Variants in LINGO2 observed in about 807,000 individuals in gnomAD.
The protein encoded by LINGO2 is leucine-rich repeat and immunoglobulin-like domain-containing nogo receptor-interacting protein 2.
Under a neutral mutation model 30.6 loss-of-function variants are expected in LINGO2, and 14 were observed. The ratio of observed to expected loss-of-function variants is 0.46; its 90% confidence interval spans 0.30 to 0.72. The LOEUF (loss-of-function observed/expected upper bound fraction) is 0.72. Ranked by LOEUF, LINGO2 falls within the 30% of genes least tolerant of loss-of-function variation. The probability of loss-of-function intolerance (pLI) is 0.07; values close to 1 mark genes in which losing one functional copy is unlikely to be tolerated. For missense variants in LINGO2, 729 were observed against 751.7 expected (o/e 0.97, Z 0.35); for synonymous variants, 317 against 288.5 (o/e 1.10, Z -1.00).
chr9:28,897,386 C>A, the LINGO2 span, among the ~76,000 whole-genome samples: 1 of 152,158 alleles, frequency 6.6e-6, no homozygotes, highest in Non-Finnish European at 1.5e-5. Context: ...GAAATCTACA[C>A]TTTCCAGCCC....
chr9:28,668,697 C>G (rs1160239467), intron 1 of LINGO2, among the ~76,000 whole-genome samples: 2 of 152,010 alleles, frequency 1.3e-5, no homozygotes, highest in South Asian at 2.1e-4. Flanking sequence ...CTTAAGCTGA[C>G]TAAAGAAACT....
rs147764964 is a variant in LINGO2 at position 28,343,006 on chromosome 9, G to C, written c.-246+29830C>G. Among the ~76,000 whole-genome samples the C allele has an allele frequency of 3.7e-3, 567 of 152,230 alleles. 4 individuals are homozygous for C. The highest frequency in any genetic ancestry group is 0.013 in the African/African-American group (542 of 41,548). ...GCTGGGTAGATAGTGATTTCTAAGG[G>C]ATTGCAAAATTGGTTTAAACATCTG... On this transcript the variant is annotated intron_variant, in intron 3 of 5. Transcript: ENST00000379992.
chr9:27,999,047 A>C (rs1160480187), intron 5 of LINGO2, among the ~76,000 whole-genome samples: 2 of 152,130 alleles, frequency 1.3e-5, no homozygotes, highest in Non-Finnish European at 2.9e-5. Context: ...ATTTATGTGC[A>C]CCTAGGAGTG....
the LINGO2 span, among the ~76,000 whole-genome samples, chr9:29,006,276 T>C: frequency 6.6e-6 from 1 of 151,966 alleles, no homozygotes; most frequent in Non-Finnish European, 1.5e-5. Flanking sequence ...GTTGCTGCAG[T>C]TCTTGCCTTT....
At chr9:29,099,757 A>G in the LINGO2 span, among the ~76,000 whole-genome samples, 2 of 152,214 alleles carry the variant, frequency 1.3e-5, no homozygotes, top group African/African-American at 4.8e-5. Flanking sequence ...AGGTGGAGAA[A>G]AGGCAACATC....
At chr9:29,207,007 C>T in the LINGO2 span, among the ~76,000 whole-genome samples, 1 of 151,772 alleles carries the variant, frequency 6.6e-6, no homozygotes, top group Admixed American at 6.6e-5. Context: ...CTGCTTTCAT[C>T]AGGCTATATG....
At chr9:28,697,216 A>G in the LINGO2 span, among the ~76,000 whole-genome samples, 1 of 151,924 alleles carries the variant, frequency 6.6e-6, no homozygotes. Flanking sequence ...GATATAAGAT[A>G]ATGATCCCTA....
At chr9:28,372,264 T>A (rs1820932513) in intron 3 of LINGO2, among the ~76,000 whole-genome samples, 1 of 152,222 alleles carries the variant, frequency 6.6e-6, no homozygotes, top group South Asian at 2.1e-4. Flanking sequence ...AAAAACATAA[T>A]GTTTTCTAAT....
chr9:28,809,527 C>T, the LINGO2 span, among the ~76,000 whole-genome samples: 3 of 152,120 alleles, frequency 2.0e-5, no homozygotes, highest in South Asian at 2.1e-4. Flanking sequence ...AGACGGATCA[C>T]GAGGACAGGA....
chr9:27,962,129 T>C (rs1819878412), intron 5 of LINGO2, among the ~76,000 whole-genome samples: 1 of 152,170 alleles, frequency 6.6e-6, no homozygotes, highest in Admixed American at 6.5e-5. Flanking sequence ...CAGATGACTA[T>C]GTCCAACATA....
At chr9:28,579,076 C>A (rs1241370884) in intron 1 of LINGO2, among the ~76,000 whole-genome samples, 1 of 131,718 alleles carries the variant, frequency 7.6e-6, no homozygotes, top group East Asian at 2.2e-4. Flanking sequence ...TTTTTTGTTT[C>A]TACAGCTACA....
Position 28,461,384 on chromosome 9 carries a change from T to A in LINGO2, c.-279+14556A>T, listed in dbSNP as rs1339178296. Among the ~76,000 whole-genome samples the A allele has an allele frequency of 2.6e-5, 4 of 152,140 alleles. No homozygotes were observed. In the South Asian group the frequency reaches 6.2e-4, roughly 24 times the overall value. On this transcript the variant is annotated intron_variant, in intron 2 of 5. Transcript: ENST00000379992. ...CGTGGCTTTCTGAAATGGTGTTTCC[T>A]GGCCATACAGGGTATCTTAAATTTG...
chr9:28,494,953 T>G (rs1205075164), intron 1 of LINGO2, among the ~76,000 whole-genome samples: 1 of 152,248 alleles, frequency 6.6e-6, no homozygotes, highest in Non-Finnish European at 1.5e-5. Flanking sequence ...TTGATTTGCA[T>G]TTCTCTGATG....
At chr9:28,775,072 G>T in the LINGO2 span, among the ~76,000 whole-genome samples, 1 of 152,088 alleles carries the variant, frequency 6.6e-6, no homozygotes, top group African/African-American at 2.4e-5. Context: ...ATGTGTGTGC[G>T]GATATTGCTG....
At chr9:28,605,507 A>G (rs1825660834) in intron 1 of LINGO2, among the ~76,000 whole-genome samples, 3 of 151,940 alleles carry the variant, frequency 2.0e-5, no homozygotes, top group African/African-American at 7.3e-5. Flanking sequence ...TAATGTAACT[A>G]TTTATATAAA....
chr9:28,156,677 G>A (rs1478307338), intron 4 of LINGO2, among the ~76,000 whole-genome samples: 2 of 152,144 alleles, frequency 1.3e-5, no homozygotes, highest in Non-Finnish European at 2.9e-5. Flanking sequence ...CCACCTATGA[G>A]CCTGTAAAAT....
intron 4 of LINGO2, among the ~76,000 whole-genome samples, chr9:28,237,124 G>GGT (rs1554691309): frequency 2.3e-5 from 3 of 132,056 alleles, no homozygotes; most frequent in East Asian, 2.3e-4. Context: ...GTGCGGGGGG[G>GGT]GGGTAAAGTT....
the LINGO2 span, among the ~76,000 whole-genome samples, chr9:28,803,918 C>G: frequency 6.6e-6 from 1 of 151,968 alleles, no homozygotes; most frequent in Non-Finnish European, 1.5e-5. Flanking sequence ...AAGGTCTGTT[C>G]TCCATTTTTT....
chr9:28,165,279 T>C (rs1003894392), intron 4 of LINGO2, among the ~76,000 whole-genome samples: 1 of 152,194 alleles, frequency 6.6e-6, no homozygotes, highest in Non-Finnish European at 1.5e-5. Context: ...CTTTGGTCTC[T>C]TTCATGCTAA....
Sources: allele counts gnomAD v4.1 joint callset (sites outside exome capture counted in the v4.1 genomes callset), GRCh38; gene constraint gnomAD v4.1.1; transcripts MANE v1.5; gene names NCBI Gene and HGNC (gene_info 2026-07-23, HGNC 2026-07-21).